The following OTOGL variants were observed in gnomAD, a reference collection of about 807,000 sequenced individuals.
OTOGL encodes otogelin-like protein.
Under a neutral mutation model 318.5 loss-of-function variants are expected in OTOGL, and 285 were observed. The ratio of observed to expected loss-of-function variants is 0.89; its 90% CI spans 0.81 to 0.99. OTOGL has a LOEUF of 0.99. Among genes scored for constraint, OTOGL ranks in the 50% least tolerant of loss-of-function variants. OTOGL has a pLI of 0.00. For missense variants in OTOGL, 2,899 were observed against 2,845.6 expected (o/e 1.02, Z -0.43); for synonymous variants, 987 against 936.5 (o/e 1.05, Z -0.99).
At position 80,295,157 on chromosome 12, in the gene OTOGL, CTTTTTT is replaced by C. The variant is rs66786755; in HGVS notation, c.2929-1646_2929-1641del. On this transcript the variant is annotated intron_variant, in intron 26 of 58. Transcript: ENST00000547103. ...AAACACAAACTGTATGATTGCCGAACTTTTTTTTTTTTTTTTTTTTTTTTTTTTTAA... is the reference window on the plus strand; with the variant it reads ...AAACACAAACTGTATGATTGCCGAACTTTTTTTTTTTTTTTTTTTTTTTAA... Among the ~76,000 whole-genome samples the C allele has an allele frequency of 2.7e-3, 266 of 98,904 alleles. 6 individuals carry two copies. The highest frequency in any genetic ancestry group is 6.5e-3 in the East Asian group (25 of 3,832). 64.9% of individuals were successfully genotyped at this position (98,904 alleles called of 152,430 possible).
At chr12:80,280,907 A>G (rs1334774258) in intron 26 of OTOGL, among the ~76,000 whole-genome samples, 1 of 150,596 alleles carries the variant, frequency 6.6e-6, no homozygotes, top group African/African-American at 2.4e-5. Flanking sequence ...GAGATCTTTC[A>G]TTTTCCTGGT....
In OTOGL at chr12:80,356,891, C is replaced by T. The variant is rs777090016; in HGVS notation, c.5996C>T (p.Pro1999Leu). Residue 1999 changes from proline to leucine, a missense_variant, in exon 49 of 59, where the codon CCT becomes CTT. By Grantham distance (98) the Pro-to-Leu change is moderately conservative. Transcript: ENST00000547103. ...QFMIQVRQEE[P>L]CCFSPFCVCE... ...ATGATTCAAGTTCGACAGGAAGAAC[C>T]TTGTTGTTTTTCCCCTTTTTGTGGT... 9 of 1,589,968 alleles carry T rather than the reference C, an allele frequency of 5.7e-6. No individual in the cohort carries two copies. In the African/African-American group the frequency reaches 1.1e-4, roughly 19 times the overall value.
rs1249578403 is a variant in OTOGL, at chr12:80,339,207, A to G, written c.4993A>G (p.Ile1665Val). 1.2e-6 allele frequency: 2 copies of G among 1,612,358 alleles called. No homozygotes were observed. Among genetic ancestry groups the G allele is most frequent in the South Asian group, 1.1e-5 (1 of 91,046 alleles). The change falls in exon 43 of 59, where the codon ATA becomes GTA. Residue 1665 changes from isoleucine (I) to valine (V), a missense_variant. Ile to Val is a conservative substitution (Grantham distance 29). Transcript: ENST00000547103. ...AAAGTGGTCTCATCTTACAGGAATCATAGACATTCATTTTGGCTTCCGATT... is the reference window on the plus strand; with the variant it reads ...AAAGTGGTCTCATCTTACAGGAATCGTAGACATTCATTTTGGCTTCCGATT... ...IIKWSHLTGI[I>V]DIHFGFRFNL...
intron 44 of OTOGL, among the ~76,000 whole-genome samples, chr12:80,346,678 C>G (rs1889217457): frequency 6.6e-6 from 1 of 152,130 alleles, no homozygotes; most frequent in African/African-American, 2.4e-5. Flanking sequence ...CACCCCGCCC[C>G]TGTTGAATTA....
Position 80,336,707 on chromosome 12 carries a change from C to T in OTOGL, c.4744-90C>T, listed in dbSNP as rs957285362. On this transcript the variant is annotated intron_variant, in intron 40 of 58. Coordinates refer to ENST00000547103, the MANE Select transcript of OTOGL (RefSeq NM_001378609.3). ...TTCAGAAACATTTCTGAAAACCTTT[C>T]TTATCAATCTATTTAGAGGCATATA... 4.3e-6 allele frequency: 6 copies of T among 1,404,546 alleles called. No homozygotes were observed. In the African/African-American group the frequency reaches 8.7e-5, roughly 20 times the overall value. The allele number at this position is 1,404,546 out of a possible 1,614,324, so 87.0% of individuals were successfully genotyped here.
chr12:80,127,504 G>C (rs1870929432), intron 1 of OTOGL, among the ~76,000 whole-genome samples: 1 of 152,184 alleles, frequency 6.6e-6, no homozygotes, highest in Admixed American at 6.5e-5. Context: ...TGGTGAATCT[G>C]ACAATTGTGT....
chr12:80,313,601 A>G lies in OTOGL; in HGVS notation c.3576A>G (p.Ile1192Met). 6.2e-7 allele frequency: 1 copy of G among 1,612,926 alleles called. No individual in the cohort carries two copies. Among genetic ancestry groups the G allele is most frequent in the African/African-American group, 1.3e-5 (1 of 75,010 alleles). Residue 1192 changes from isoleucine (I) to methionine (M), a missense_variant, in exon 31 of 59, where the codon ATA becomes ATG. Ile to Met is a conservative substitution (Grantham distance 10). Around this residue, in one of 3 missense-constraint regions of OTOGL, gnomAD observed 2,607 missense variants for 2,524.9 expected, o/e 1.03. Coordinates refer to ENST00000547103, the MANE Select transcript of OTOGL (RefSeq NM_001378609.3). ...AYAYKCCQEG[I>M]SIHWRSSTVC... ...CATACAAGTGTTGTCAGGAAGGAAT[A>G]TCAATTCATTGGAGATCATCTACTG...
At chr12:80,208,019 T>G (rs769007856) in intron 1 of OTOGL, among the ~76,000 whole-genome samples, 6 of 151,930 alleles carry the variant, frequency 3.9e-5, no homozygotes, top group Non-Finnish European at 8.8e-5. Context: ...TTCAATTAAT[T>G]AAACCTATTC....
chr12:80,131,111 C>G (rs886121379), intron 1 of OTOGL: 2 of 152,188 alleles, frequency 1.3e-5, no homozygotes, highest in African/African-American at 4.8e-5. Flanking sequence ...GGAGGCACAG[C>G]AAGTCTCACG....
chr12:80,378,208 G>A lies in OTOGL; in HGVS notation c.*160G>A, dbSNP rs184759485. 4.9e-5 allele frequency: 27 copies of A among 545,762 alleles called. No individual in the cohort carries two copies. The highest frequency in any genetic ancestry group is 4.9e-4 in the African/African-American group (26 of 53,048). 33.8% of individuals were successfully genotyped at this position (545,762 alleles called of 1,614,324 possible). ...TAGCAATTTGTACAAAATATATACA[G>A]TTTCAATAGCAAAATTAAATTTATT... On this transcript the variant is annotated 3_prime_UTR_variant, in exon 59 of 59. Transcript: ENST00000547103.
At chr12:80,314,833 A>C (rs1462133109) in intron 32 of OTOGL, among the ~76,000 whole-genome samples, 3 of 152,180 alleles carry the variant, frequency 2.0e-5, no homozygotes, top group African/African-American at 7.2e-5. Context: ...CATCACCTCA[A>C]ATATTTACCA....
intron 1 of OTOGL, among the ~76,000 whole-genome samples, chr12:80,207,769 G>C (rs1326797827): frequency 6.6e-6 from 1 of 152,148 alleles, no homozygotes; most frequent in Non-Finnish European, 1.5e-5. Flanking sequence ...TTGGGGAAAA[G>C]TATTGTCTTC....
intron 1 of OTOGL, among the ~76,000 whole-genome samples, chr12:80,160,758 A>T (rs1873454577): frequency 6.6e-6 from 1 of 152,226 alleles, no homozygotes; most frequent in South Asian, 2.1e-4. Context: ...AAAAGAAGTC[A>T]TTATATGAAA....
At position 80,367,824 on chromosome 12, in the gene OTOGL, C is replaced by T. The variant is rs571519059; in HGVS notation, c.6510+85C>T. On this transcript the variant is annotated intron_variant, in intron 54 of 58. Coordinates refer to ENST00000547103, the MANE Select transcript of OTOGL (RefSeq NM_001378609.3). Reference sequence around the variant, plus strand: ...ATAGAATTTGAAATGGTGAATACTCCATTAGTTTAAAATATATATTATATA... The same window carrying T: ...ATAGAATTTGAAATGGTGAATACTCTATTAGTTTAAAATATATATTATATA... 5.9e-5 allele frequency: 53 copies of T among 901,016 alleles called. No individual in the cohort carries two copies. In the South Asian group the frequency reaches 7.3e-4, roughly 12 times the overall value. The allele number at this position is 901,016 out of a possible 1,614,324, so 55.8% of individuals were successfully genotyped here. A position where few individuals can be genotyped will look rare whatever the true frequency, so the allele number is the denominator to read the frequency against.
intron 57 of OTOGL, among the ~76,000 whole-genome samples, chr12:80,374,557 A>G (rs934852521): frequency 6.6e-6 from 1 of 152,196 alleles, no homozygotes; most frequent in African/African-American, 2.4e-5. Flanking sequence ...TAAATCAAAT[A>G]TAAACTAATA....
At position 80,378,020 on chromosome 12, in the gene OTOGL, C is replaced by A; in HGVS notation, c.7034C>A (p.Pro2345His). 1 of 1,589,474 alleles carries A rather than the reference C, an allele frequency of 6.3e-7. No individual in the cohort carries two copies. The highest frequency in any genetic ancestry group is 8.6e-7 in the Non-Finnish European group (1 of 1,165,806). ...GTEIMYTLQE[P>H]IDCTCQWN ...GAAATTATGTACACTCTCCAGGAACCCATAGACTGTACGTGCCAGTGGAAT... is the reference window on the plus strand; with the variant it reads ...GAAATTATGTACACTCTCCAGGAACACATAGACTGTACGTGCCAGTGGAAT... The change falls in exon 59 of 59, where the codon CCC becomes CAC. Residue 2345 changes from proline (P) to histidine (H), a missense_variant. Around this residue, in one of 3 missense-constraint regions of OTOGL, gnomAD observed 289 missense variants for 304.6 expected, o/e 0.95. Transcript: ENST00000547103.
chr12:80,357,540 G>C (rs1026314209), intron 49 of OTOGL, among the ~76,000 whole-genome samples: 4 of 152,106 alleles, frequency 2.6e-5, no homozygotes, highest in African/African-American at 9.7e-5. Flanking sequence ...ATGGATTCTG[G>C]CTAGCTTTAG....
chr12:80,294,057 T>G (rs1056984435), intron 26 of OTOGL, among the ~76,000 whole-genome samples: 1 of 152,198 alleles, frequency 6.6e-6, no homozygotes. Context: ...TACCTGAGAA[T>G]AAAGGGTTTT....
rs374659198 is a variant in OTOGL at position 80,293,126 on chromosome 12, C to T, written c.2929-3701C>T. Among the ~76,000 whole-genome samples, 14 of 152,258 alleles carry T rather than the reference C, an allele frequency of 9.2e-5. No individual in the cohort carries two copies. The East Asian group carries it at 1.7e-3, about 19-fold the overall frequency. Reference sequence around the variant, plus strand: ...TTTACTCTTTGGTAGACAGGAGACTCAGTTTCCCAAATAATCTTAAAACTT... The same window carrying T: ...TTTACTCTTTGGTAGACAGGAGACTTAGTTTCCCAAATAATCTTAAAACTT... On this transcript the variant is annotated intron_variant, in intron 26 of 58. Coordinates refer to ENST00000547103, the MANE Select transcript of OTOGL (RefSeq NM_001378609.3).
Sources: allele counts gnomAD v4.1 joint callset (sites outside exome capture counted in the v4.1 genomes callset), GRCh38; gene constraint gnomAD v4.1.1; regional missense constraint gnomAD v4.1.1; transcripts MANE v1.5; gene names NCBI Gene and HGNC (gene_info 2026-07-23, HGNC 2026-07-21).